The following BORCS8 variants were observed in gnomAD, a reference collection of about 807,000 sequenced individuals.
BORCS8 encodes BLOC-1-related complex subunit 8.
A neutral mutation model predicts 18.7 loss-of-function variants in BORCS8; 13 were observed. The observed-to-expected ratio is 0.70, with a 90% confidence interval of 0.45 to 1.11. The LOEUF (loss-of-function observed/expected upper bound fraction) is 1.11, where lower values mean the gene tolerates loss of function less well. BORCS8 is among the 50% of genes least tolerant of loss of function. The pLI, the probability that BORCS8 is intolerant of heterozygous loss-of-function variation, is 0.00. For synonymous variants in BORCS8, 68 were observed against 64.8 expected (o/e 1.05, Z -0.24); for missense variants, 165 against 165.7 (o/e 1.00, Z 0.02).
chr19:19,189,383 C>T (rs60164086), intron 1 of BORCS8, among the ~76,000 whole-genome samples: 6,915 of 152,298 alleles, frequency 0.045, 226 homozygotes, highest in Admixed American at 0.091. Context: ...ACAGTTCAAC[C>T]TCCATGCAGC....
chr19:19,191,529 A>G (rs550706230), intron 1 of BORCS8, among the ~76,000 whole-genome samples: 6 of 149,454 alleles, frequency 4.0e-5, no homozygotes, highest in Admixed American at 6.7e-5. Context: ...ACGCACAGCG[A>G]TTACTACGCC....
chr19:19,186,061 G>C lies in BORCS8; in HGVS notation c.188C>G (p.Ala63Gly). Residue 63 changes from alanine to glycine, a missense_variant, in exon 3 of 6, where the codon GCC (alanine) becomes GGC (glycine). Coordinates refer to ENST00000462790, the MANE Select transcript of BORCS8 (RefSeq NM_001145784.2). ...MQRWEEQSQG[A>G]IYTVEYACSA... Reference sequence around the variant, plus strand: ...GCAGGCGTACTCCACAGTGTAGATGGCTCCCTGGCTCTGCTCCTCCCAACG... The same window carrying C: ...GCAGGCGTACTCCACAGTGTAGATGCCTCCCTGGCTCTGCTCCTCCCAACG... 6.5e-7 allele frequency: 1 copy of C among 1,549,126 alleles called. No homozygotes were observed. Among genetic ancestry groups the C allele is most frequent in the Non-Finnish European group, 8.7e-7 (1 of 1,146,098 alleles).
chr19:19,191,829 C>T (rs1445673620), intron 1 of BORCS8, among the ~76,000 whole-genome samples: 2 of 152,206 alleles, frequency 1.3e-5, no homozygotes, highest in East Asian at 3.8e-4. Flanking sequence ...CCTAGGCCTC[C>T]CAAAGTGCTG....
chr19:19,183,387 G>A (rs1178417871), intron 3 of BORCS8, among the ~76,000 whole-genome samples: 3 of 150,208 alleles, frequency 2.0e-5, no homozygotes, highest in African/African-American at 7.4e-5. Context: ...TCCAGCCTGG[G>A]CGACAGAGCG....
Position 19,182,112 on chromosome 19 carries a change from G to A in BORCS8, c.326+461C>T, listed in dbSNP as rs892694785. 3.8e-5 allele frequency: 35 copies of A among 911,368 alleles called. No homozygotes were observed. Among genetic ancestry groups the A allele is most frequent in the East Asian group, 3.5e-4 (3 of 8,466 alleles). The allele number at this position is 911,368 out of a possible 1,614,324, so 56.5% of individuals were successfully genotyped here. ...CGGCTCCAGCCACAGAAGCCTTCTC[G>A]GTGCTTCTCGAACACTCCCAGGGAT... On this transcript the variant is annotated intron_variant, in intron 4 of 5. Transcript: ENST00000462790. This position sits in a 1 kb window ranked among gnomAD's most constrained non-coding sequence, Gnocchi z 4.1.
intron 2 of BORCS8, 120 bp from the exon 3 acceptor site, chr19:19,186,218 C>T: frequency 1.1e-6 from 1 of 891,552 alleles, no homozygotes; most frequent in Non-Finnish European, 1.8e-6. Flanking sequence ...GACCTTTCCT[C>T]CTGCAACTCC....
intron 1 of BORCS8, among the ~76,000 whole-genome samples, chr19:19,188,156 C>T (rs746360417): frequency 8.6e-5 from 13 of 151,476 alleles, no homozygotes; most frequent in African/African-American, 2.2e-4. Context: ...CAGCCTCCCG[C>T]GTAGCTGGGA....
chr19:19,183,877 G>C (rs890246888), intron 3 of BORCS8, among the ~76,000 whole-genome samples: 13 of 148,914 alleles, frequency 8.7e-5, no homozygotes, highest in Non-Finnish European at 6.0e-5. Context: ...GCCTCATTTT[G>C]TAATTTTTTT....
At chr19:19,180,465 GGAGA>G (rs1417198948) in intron 5 of BORCS8, 2 of 587,330 alleles carry the variant, frequency 3.4e-6, no homozygotes, top group Admixed American at 3.0e-5. Context: ...GGAAGGTGGT[GGAGA>G]GAGAGTGGGA....
chr19:19,180,759 G>T lies in BORCS8; in HGVS notation c.329C>A (p.Pro110Gln). 1.9e-6 allele frequency: 3 copies of T among 1,547,612 alleles called. No homozygotes were observed. Among genetic ancestry groups the T allele is most frequent in the Non-Finnish European group, 2.6e-6 (3 of 1,145,374 alleles). ...HMNASAQGHS[P>Q]EEPPPPSSA ...TGAGGAGGGCGGGGGTGGTTCCTCC[G>T]GGCTGCAACAAAACATGTGCAGCAT... Residue 110 changes from proline to glutamine, a missense_variant and splice_region_variant, in exon 5 of 6, where the codon CCG (proline) becomes CAG (glutamine). Coordinates refer to ENST00000462790, the MANE Select transcript of BORCS8 (RefSeq NM_001145784.2).
intron 3 of BORCS8, among the ~76,000 whole-genome samples, chr19:19,185,169 T>C (rs1253254631): frequency 6.6e-6 from 1 of 152,248 alleles, no homozygotes; most frequent in African/African-American, 2.4e-5. Flanking sequence ...TCTAGGCACC[T>C]TCGCCCACAC....
At position 19,186,144 on chromosome 19, in the gene BORCS8, C is replaced by T. The variant is rs773858554; in HGVS notation, c.151-46G>A. On this transcript the variant is annotated intron_variant, in intron 2 of 5. Transcript: ENST00000462790. ...ATTTGGCAAGGGAGGCCACCCCCAC[C>T]TAGAGGGCCTTCCTCCCAGCTCTCT... is the stretch of plus-strand genomic sequence containing the variant. The T allele has an allele frequency of 1.8e-5, 28 of 1,529,084 alleles. No homozygotes were observed. The African/African-American group carries it at 3.2e-4, about 17-fold the overall frequency. 94.7% of individuals were successfully genotyped at this position (1,529,084 alleles called of 1,614,324 possible). A position where few individuals can be genotyped will look rare whatever the true frequency, so the allele number is the denominator to read the frequency against.
intron 4 of BORCS8, 132 bp from the exon 5 acceptor site, chr19:19,180,893 G>A: frequency 3.1e-6 from 3 of 961,420 alleles, no homozygotes; most frequent in South Asian, 1.7e-5. Flanking sequence ...GGGGCATCCT[G>A]CTTAAAAGTG....
At chr19:19,187,559 A>G (rs1214258582) in intron 1 of BORCS8, among the ~76,000 whole-genome samples, 1 of 143,644 alleles carries the variant, frequency 7.0e-6, no homozygotes, top group East Asian at 2.0e-4. Flanking sequence ...TTTTTTTTTG[A>G]GACAGAGTCT....
rs1439132341 is a variant in BORCS8, at chr19:19,182,527, C to CT, written c.326+45dup. ...TTCCCAGCGCAGCTGAGAGACGGTC[C>CT]TTGCAGCTGGGAGTGGCAGTGGGGG... On this transcript the variant is annotated intron_variant, in intron 4 of 5. Transcript: ENST00000462790. This position sits in a 1 kb window ranked among gnomAD's most constrained non-coding sequence, Gnocchi z 4.1. The CT allele has an allele frequency of 6.5e-7, 1 of 1,537,334 alleles. No individual in the cohort carries two copies. The highest frequency in any genetic ancestry group is 1.4e-5 in the African/African-American group (1 of 72,814).
At chr19:19,178,083 G>C (rs2146407034) in intron 5 of BORCS8, 1 of 152,512 alleles carries the variant, frequency 6.6e-6, no homozygotes, top group East Asian at 1.9e-4. Flanking sequence ...TTGGGGGTGA[G>C]ACCTGCCTTT....
At chr19:19,185,895 GT>G in intron 3 of BORCS8, 138 bp downstream of exon 3, 1 of 810,152 alleles carries the variant, frequency 1.2e-6, no homozygotes, top group Non-Finnish European at 2.0e-6. Flanking sequence ...CAAGTGAATC[GT>G]GGTACAGACC....
At chr19:19,191,858 T>G (rs997956257) in intron 1 of BORCS8, among the ~76,000 whole-genome samples, 2 of 152,112 alleles carry the variant, frequency 1.3e-5, no homozygotes, top group African/African-American at 4.8e-5. Flanking sequence ...AAGCCACCAC[T>G]CCCAGCCTCA....
intron 1 of BORCS8, 120 bp from the exon 2 acceptor site, chr19:19,187,125 G>A (rs1217933166): frequency 2.9e-6 from 2 of 693,484 alleles, no homozygotes; most frequent in African/African-American, 3.6e-5. Flanking sequence ...TCCGCAGCTA[G>A]GTCACTCCTG....
Sources: gnomAD v4.1 joint callset for allele counts (sites outside exome capture counted in the v4.1 genomes callset) on GRCh38, gnomAD v4.1.1 for gene constraint, Gnocchi (gnomAD v3.1) non-coding constraint, MANE v1.5 for transcripts, NCBI Gene and HGNC (gene_info 2026-07-23, HGNC 2026-07-21) for gene names.